The following RARB variants were observed in gnomAD, a reference collection of about 807,000 sequenced individuals.
The protein encoded by RARB is HBV-activated protein.
Under a neutral mutation model 51.9 loss-of-function variants are expected in RARB, and 17 were observed. The observed-to-expected ratio is 0.33, with a 90% CI of 0.22 to 0.49. RARB has a LOEUF of 0.49. Ranked by LOEUF, RARB falls within the 20% of genes least tolerant of loss-of-function variation. The pLI is 0.99. For synonymous variants in RARB, 215 were observed against 195.4 expected (o/e 1.10, Z -0.84); for missense variants, 369 against 550.8 (o/e 0.67, Z 3.30).
chr3:25,518,182 A>G (rs954287403), intron 3 of RARB, among the ~76,000 whole-genome samples: 11 of 152,224 alleles, frequency 7.2e-5, no homozygotes, highest in African/African-American at 2.7e-4. Context: ...AGGTTAATTG[A>G]TGTAAGGGAA....
intron 2 of RARB, among the ~76,000 whole-genome samples, chr3:25,032,216 C>T (rs1176848569): frequency 6.6e-6 from 1 of 152,196 alleles, no homozygotes; most frequent in Non-Finnish European, 1.5e-5. Flanking sequence ...TTATAAAAGA[C>T]ATCCGCAATC....
At chr3:24,952,546 C>T (rs932254105) in intron 2 of RARB, among the ~76,000 whole-genome samples, 2 of 152,130 alleles carry the variant, frequency 1.3e-5, no homozygotes, top group African/African-American at 2.4e-5. Context: ...TTCGAATGGC[C>T]TCTCCTTCAA....
intron 5 of RARB, among the ~76,000 whole-genome samples, chr3:25,354,017 C>A (rs1042527001): frequency 1.3e-5 from 2 of 151,976 alleles, no homozygotes; most frequent in Non-Finnish European, 2.9e-5. Context: ...GACCCTCTCC[C>A]CATTCCTTTC....
chr3:25,570,610 T>A (rs1575529095), intron 4 of RARB, among the ~76,000 whole-genome samples: 1 of 151,670 alleles, frequency 6.6e-6, no homozygotes, highest in Non-Finnish European at 1.5e-5. Context: ...AGGTAGGAGG[T>A]GTATGTTGGC....
intron 3 of RARB, among the ~76,000 whole-genome samples, chr3:25,126,395 A>C (rs141213930): frequency 2.8e-4 from 43 of 152,280 alleles, no homozygotes; most frequent in African/African-American, 8.9e-4. Flanking sequence ...AGCTTACAGA[A>C]ACTGCTTAGT....
intron 3 of RARB, among the ~76,000 whole-genome samples, chr3:25,063,535 CAA>C (rs1444578512): frequency 6.6e-6 from 1 of 150,916 alleles, no homozygotes; most frequent in African/African-American, 2.5e-5. Context: ...GGTAAAAAAA[CAA>C]AAATGTACAG....
intron 5 of RARB, among the ~76,000 whole-genome samples, chr3:25,314,961 A>G (rs1005533674): frequency 2.0e-5 from 3 of 152,176 alleles, no homozygotes; most frequent in African/African-American, 7.2e-5. Context: ...CCATTGTCCT[A>G]AGCAAATTAA....
chr3:25,187,168 GGAA>G (rs1700998424), intron 5 of RARB, among the ~76,000 whole-genome samples: 2 of 152,004 alleles, frequency 1.3e-5, no homozygotes, highest in Non-Finnish European at 2.9e-5. Flanking sequence ...CATGGTGAGA[GGAA>G]GAAGACAATG....
Position 25,253,835 on chromosome 3 carries a change from A to T in RARB, c.178+79260A>T, listed in dbSNP as rs536026094. ...TCCATCGAGCCCTAGTGGTCCCTCA[A>T]ATTGCTTGTATTTCTGGAACCGCAC... On this transcript the variant is annotated intron_variant, in intron 5 of 11. Transcript: ENST00000383772. Among the ~76,000 whole-genome samples the T allele has an allele frequency of 2.0e-5, 3 of 152,222 alleles. No individual in the cohort carries two copies. In the East Asian group the frequency reaches 5.8e-4, roughly 29 times the overall value.
At chr3:25,506,036 C>T (rs545721129) in intron 3 of RARB, among the ~76,000 whole-genome samples, 1 of 152,158 alleles carries the variant, frequency 6.6e-6, no homozygotes, top group Admixed American at 6.5e-5. Flanking sequence ...AAGTCAGTTA[C>T]AGAAATTCAA....
chr3:24,935,016 T>C (rs977962760), intron 2 of RARB, among the ~76,000 whole-genome samples: 6 of 152,172 alleles, frequency 3.9e-5, no homozygotes, highest in Admixed American at 3.3e-4. Context: ...GGTACTATAA[T>C]ATTGGTTTAC....
At chr3:25,057,456 C>T (rs184370044) in intron 2 of RARB, among the ~76,000 whole-genome samples, 3 of 151,970 alleles carry the variant, frequency 2.0e-5, no homozygotes, top group Admixed American at 6.6e-5. Context: ...TTCCTAATCT[C>T]TTAGGGAAAT....
chr3:25,175,037 A>C (rs1048553697), intron 5 of RARB, among the ~76,000 whole-genome samples: 6 of 152,200 alleles, frequency 3.9e-5, no homozygotes, highest in Non-Finnish European at 8.8e-5. Context: ...TCAACTTCCC[A>C]TAGACCTTTG....
At chr3:25,010,525 T>TG (rs1227822029) in intron 2 of RARB, among the ~76,000 whole-genome samples, 2 of 152,162 alleles carry the variant, frequency 1.3e-5, no homozygotes, top group African/African-American at 4.8e-5. Context: ...CTGTACTTGA[T>TG]GCCTTTGTTT....
chr3:25,438,677 T>C (rs1292747311), intron 1 of RARB, among the ~76,000 whole-genome samples: 2 of 152,200 alleles, frequency 1.3e-5, no homozygotes, highest in African/African-American at 4.8e-5. Flanking sequence ...CTAGGCTCCA[T>C]GTGCTGTTAC....
chr3:24,963,392 C>T (rs1005094246), intron 2 of RARB, among the ~76,000 whole-genome samples: 1 of 146,608 alleles, frequency 6.8e-6, no homozygotes, highest in Non-Finnish European at 1.5e-5. Flanking sequence ...ATAGCTAAAA[C>T]ATTAGGGCCT....
chr3:25,372,083 C>T (rs1214272348), intron 5 of RARB, among the ~76,000 whole-genome samples: 1 of 152,160 alleles, frequency 6.6e-6, no homozygotes, highest in Admixed American at 6.5e-5. Context: ...GCATGTGGGA[C>T]CACATCCTTT....
rs145792694 is a variant in RARB at position 25,420,720 on chromosome 3, G to A, written c.179-40473G>A. Among the ~76,000 whole-genome samples the A allele has an allele frequency of 1.9e-3, 289 of 152,268 alleles. 2 individuals are homozygous for A. The highest frequency in any genetic ancestry group is 6.4e-3 in the African/African-American group (268 of 41,552). On this transcript the variant is annotated intron_variant, in intron 5 of 11. Transcript: ENST00000383772. ...TAGATGATGGATCAGAGAGTGAATG[G>A]ATGGGTGGATAGGTAGATGGGTATA...
At chr3:24,963,824 G>A (rs1696195846) in intron 2 of RARB, among the ~76,000 whole-genome samples, 1 of 151,934 alleles carries the variant, frequency 6.6e-6, no homozygotes, top group Non-Finnish European at 1.5e-5. Context: ...AACTTACTTA[G>A]GTGCAAACAA....
Sources: allele counts gnomAD v4.1 joint callset (sites outside exome capture counted in the v4.1 genomes callset), GRCh38; gene constraint gnomAD v4.1.1; transcripts MANE v1.5; gene names NCBI Gene and HGNC (gene_info 2026-07-23, HGNC 2026-07-21).